GRM7: variants seen among roughly 807,000 people sequenced by gnomAD.
The protein encoded by GRM7 is metabotropic glutamate receptor 7.
A neutral mutation model predicts 84.5 loss-of-function variants in GRM7; 35 were observed. The observed-to-expected ratio is 0.41, with a 90% CI of 0.32 to 0.55. The LOEUF is 0.55. Among genes scored for constraint, GRM7 ranks in the 20% least tolerant of loss-of-function variants. The pLI is 0.19. For missense variants in GRM7, 1,003 were observed against 1,194.6 expected (o/e 0.84, Z 2.36); for synonymous variants, 487 against 455.1 (o/e 1.07, Z -0.89).
intron 9 of GRM7, among the ~76,000 whole-genome samples, chr3:7,702,798 G>T (rs930219417): frequency 1.1e-4 from 17 of 152,146 alleles, no homozygotes; most frequent in Non-Finnish European, 2.2e-4. Context: ...AAGAGGATGG[G>T]ATGCAACTTA....
At chr3:7,260,495 G>A (rs929393453) in intron 2 of GRM7, among the ~76,000 whole-genome samples, 2 of 152,152 alleles carry the variant, frequency 1.3e-5, no homozygotes, top group Non-Finnish European at 2.9e-5. Flanking sequence ...GTGCATAAAG[G>A]TGTTCACAGT....
intron 7 of GRM7, among the ~76,000 whole-genome samples, chr3:7,546,165 C>T (rs927385811): frequency 1.3e-5 from 2 of 152,144 alleles, no homozygotes; most frequent in African/African-American, 4.8e-5. Context: ...GGACACTCCC[C>T]TATCCTCTCA....
intron 7 of GRM7, among the ~76,000 whole-genome samples, chr3:7,495,057 T>TTA (rs1323336875): frequency 3.3e-5 from 5 of 152,218 alleles, no homozygotes; most frequent in Non-Finnish European, 5.9e-5. Context: ...GCATTGTGTC[T>TTA]TATATATATG....
intron 4 of GRM7, among the ~76,000 whole-genome samples, chr3:7,326,031 C>A (rs1357655970): frequency 6.6e-6 from 1 of 151,202 alleles, no homozygotes; most frequent in Non-Finnish European, 1.5e-5. Context: ...AAATAAACTA[C>A]CCCTTCTACA....
At chr3:7,517,366 TTATTAG>T (rs1335909890) in intron 7 of GRM7, among the ~76,000 whole-genome samples, 1 of 70,406 alleles carries the variant, frequency 1.4e-5, no homozygotes, top group East Asian at 3.3e-4. Context: ...GTTACTATTA[TTATTAG>T]TAGTAGTAGT....
At chr3:7,380,886 A>G (rs1350251902) in intron 4 of GRM7, among the ~76,000 whole-genome samples, 1 of 152,154 alleles carries the variant, frequency 6.6e-6, no homozygotes, top group Non-Finnish European at 1.5e-5. Context: ...CCCTGGAGAA[A>G]CTGGTGTTTT....
intron 1 of GRM7, among the ~76,000 whole-genome samples, chr3:6,993,468 A>T (rs577446352): frequency 2.6e-4 from 40 of 152,356 alleles, no homozygotes; most frequent in African/African-American, 9.4e-4. Context: ...AGTAATTCAG[A>T]TTAGCTCAAA....
intron 1 of GRM7, among the ~76,000 whole-genome samples, chr3:7,099,313 A>G (rs2125018032): frequency 7.0e-6 from 1 of 143,508 alleles, no homozygotes; most frequent in Non-Finnish European, 1.5e-5. Flanking sequence ...CACATGTATT[A>G]TACATGTATA....
At chr3:7,182,859 G>A (rs1182437825) in intron 2 of GRM7, among the ~76,000 whole-genome samples, 1 of 146,610 alleles carries the variant, frequency 6.8e-6, no homozygotes, top group Non-Finnish European at 1.5e-5. Flanking sequence ...ATTTTCTTGT[G>A]ACCTTGTGTG....
chr3:7,473,532 A>AGAGAGAGAGAGAGAGAGAGAGAGAGAGAG (rs1553603738), intron 7 of GRM7, among the ~76,000 whole-genome samples: 1 of 83,564 alleles, frequency 1.2e-5, no homozygotes, highest in Non-Finnish European at 2.8e-5. Flanking sequence ...GAGAGAGAGA[A>AGAGAGAGAGAGAGAGAGAGAGAGAGAGAG]ACACCTTGAC....
At chr3:7,455,025 G>C (rs902574194) in intron 6 of GRM7, among the ~76,000 whole-genome samples, 1 of 152,084 alleles carries the variant, frequency 6.6e-6, no homozygotes, top group Non-Finnish European at 1.5e-5. Flanking sequence ...GAGACATGCT[G>C]TACCAGAATA....
chr3:7,673,661 G>A (rs536473149), intron 8 of GRM7, among the ~76,000 whole-genome samples: 2 of 152,212 alleles, frequency 1.3e-5, no homozygotes, highest in South Asian at 4.2e-4. Context: ...CATGGAAGTG[G>A]ATGCCAGCAG....
intron 1 of GRM7, among the ~76,000 whole-genome samples, chr3:6,880,436 C>T (rs1365889774): frequency 6.6e-6 from 1 of 152,276 alleles, no homozygotes; most frequent in African/African-American, 2.4e-5. Context: ...ATGACATTCT[C>T]TTTCTCTGCA....
intron 1 of GRM7, among the ~76,000 whole-genome samples, chr3:6,998,258 C>T (rs1428653224): frequency 6.6e-6 from 1 of 151,882 alleles, no homozygotes; most frequent in Non-Finnish European, 1.5e-5. Flanking sequence ...GTTGGAAATC[C>T]AATAGGGCAG....
intron 7 of GRM7, among the ~76,000 whole-genome samples, chr3:7,509,495 T>C (rs1305816774): frequency 3.9e-5 from 6 of 152,312 alleles, no homozygotes; most frequent in South Asian, 2.1e-4. Context: ...ATAAGATGTA[T>C]TGTATGTATG....
intron 4 of GRM7, among the ~76,000 whole-genome samples, chr3:7,330,191 C>T (rs1271223300): frequency 2.0e-5 from 3 of 152,088 alleles, no homozygotes; most frequent in Non-Finnish European, 4.4e-5. Flanking sequence ...ATATTGAATT[C>T]CTGCTGTTTT....
intron 7 of GRM7, among the ~76,000 whole-genome samples, chr3:7,534,892 C>T (rs1234883025): frequency 1.3e-5 from 2 of 152,040 alleles, no homozygotes; most frequent in Non-Finnish European, 2.9e-5. Context: ...ATAATGGGAA[C>T]ATCATAGGGT....
At chr3:7,166,574 G>A (rs1174123758) in intron 2 of GRM7, among the ~76,000 whole-genome samples, 1 of 152,184 alleles carries the variant, frequency 6.6e-6, no homozygotes, top group East Asian at 1.9e-4. Flanking sequence ...TTCCAAGACA[G>A]CCTGAAGTGT....
At chr3:7,607,750 T>TTTTTTTTC (rs1553624015) in intron 8 of GRM7, 1 of 148,254 alleles carries the variant, frequency 6.7e-6, no homozygotes, top group African/African-American at 2.5e-5. Flanking sequence ...TTTTTTTTTT[T>TTTTTTTTC]AGGTTTGGGG....
Sources: allele counts gnomAD v4.1 joint callset (sites outside exome capture counted in the v4.1 genomes callset), GRCh38; gene constraint gnomAD v4.1.1; transcripts MANE v1.5; gene names NCBI Gene and HGNC (gene_info 2026-07-23, HGNC 2026-07-21).